The following ABCC6 variants were observed in gnomAD, a reference collection of about 807,000 sequenced individuals.
ABCC6 encodes the protein ATP binding cassette subfamily C member 6, also known as ATP-binding cassette sub-family C member 6.
ABCC6 carries 126 observed loss-of-function variants against 169.5 expected under a neutral mutation model. The ratio of observed to expected loss-of-function variants is 0.74; its 90% CI spans 0.64 to 0.86. The LOEUF is 0.86. Ranked by LOEUF, ABCC6 falls within the 40% of genes least tolerant of loss-of-function variation. The pLI, the probability that ABCC6 is intolerant of heterozygous loss-of-function variation, is 0.00. For missense variants in ABCC6, 1,733 were observed against 1,927.2 expected (o/e 0.90, Z 1.89); for synonymous variants, 752 against 814.7 (o/e 0.92, Z 1.31).
intron 7 of ABCC6, 53 bp downstream of exon 7, chr16:16,208,675 G>T: frequency 6.2e-7 from 1 of 1,612,972 alleles, no homozygotes; most frequent in Non-Finnish European, 8.5e-7. Context: ...CCCGGCCAAT[G>T]ATGAGCTTTT....
intron 20 of ABCC6, 25 bp from the exon 21 acceptor site, chr16:16,173,429 A>C (rs765750395): frequency 6.2e-7 from 1 of 1,613,948 alleles, no homozygotes; most frequent in African/African-American, 1.3e-5. Context: ...AAATGAAGAC[A>C]AAGTCAGTAT....
chr16:16,187,315 G>C, intron 13 of ABCC6, 104 bp from the exon 14 acceptor site: 1 of 925,834 alleles, frequency 1.1e-6, no homozygotes, highest in African/African-American at 1.6e-5. Flanking sequence ...TGTCTACCAA[G>C]CTCTGTGCAT....
chr16:16,181,546 G>T (rs1365854450), intron 17 of ABCC6, among the ~76,000 whole-genome samples: 1 of 152,122 alleles, frequency 6.6e-6, no homozygotes, highest in Non-Finnish European at 1.5e-5. Flanking sequence ...CCTGGGGCCA[G>T]AGTGTGCTGT....
At chr16:16,168,590 G>C (rs1387965834) in intron 22 of ABCC6, among the ~76,000 whole-genome samples, 1 of 152,150 alleles carries the variant, frequency 6.6e-6, no homozygotes, top group Admixed American at 6.6e-5. Flanking sequence ...CCAGGGGTTG[G>C]GGACAGGGTG....
rs1471774770 is a variant in ABCC6, at chr16:16,190,257, G to A, written c.1542C>T (p.Val514=). Residue 514 remains valine (V), a synonymous_variant, in exon 12 of 31, where the codon GTC becomes GTT. Coordinates refer to ENST00000205557, the MANE Select transcript of ABCC6 (RefSeq NM_001171.6). ...HGWEGAFLDR[V]LGIRGQELGA... is the part of the protein sequence containing the mutation. ...CCAGCTCCTGGCCTCGGATGCCCAG[G>A]ACTCTGTCCAGAAAGGCTCCCTCCC... 3.7e-6 allele frequency: 6 copies of A among 1,614,134 alleles called. No homozygotes were observed. The highest frequency in any genetic ancestry group is 4.2e-6 in the Non-Finnish European group (5 of 1,180,032).
In ABCC6 at chr16:16,150,236, A is replaced by G; in HGVS notation, c.4409T>C (p.Leu1470Pro). The change falls in exon 31 of 31, where the codon CTG (leucine) becomes CCG (proline). Residue 1470 changes from leucine to proline, a missense_variant. By Grantham distance (98) the Leu-to-Pro change is moderately conservative. This residue lies in a region of ABCC6 where 1,601 missense variants were observed against 1,635.5 expected (regional missense o/e 0.98). Coordinates refer to ENST00000205557, the MANE Select transcript of ABCC6 (RefSeq NM_001171.6). ...LRSVMDCARV[L>P]VMDKGQVAES... is the part of the protein sequence containing the mutation. The stretch of plus-strand genomic sequence containing the variant: ...TGCCACCTGCCCCTTGTCCATGACC[A>G]GAACCCTGTGGGGGAGAGGGAGACA... 2 of 1,614,008 alleles carry G rather than the reference A, an allele frequency of 1.2e-6. No homozygotes were observed. Among genetic ancestry groups the G allele is most frequent in the Non-Finnish European group, 1.7e-6 (2 of 1,180,006 alleles).
At position 16,184,965 on chromosome 16, in the gene ABCC6, AG is replaced by A; in HGVS notation, c.1936del (p.Leu646SerfsTer4). Reference protein sequence around the residue: ...FAWSQESPPCLHRINLTVPQG... With the variant: ...FAWSQESPPCXHRINLTVPQG... ...TACGGGTGTCGTTCTGTACCTGTGG[AG>A]GCAGGGAGGGCTTTCCTGGGACCAG... On this transcript the variant is annotated frameshift_variant, in exon 15 of 31. Coordinates refer to ENST00000205557, the MANE Select transcript of ABCC6 (RefSeq NM_001171.6). LOFTEE classifies it high-confidence loss of function. 6.2e-7 allele frequency: 1 copy of A among 1,613,050 alleles called. No individual in the cohort carries two copies. The highest frequency in any genetic ancestry group is 8.5e-7 in the Non-Finnish European group (1 of 1,179,028).
chr16:16,163,590 G>GGGAGAACAGTGGGA, intron 23 of ABCC6, among the ~76,000 whole-genome samples: 1 of 152,154 alleles, frequency 6.6e-6, no homozygotes, highest in Admixed American at 6.5e-5. Flanking sequence ...ATTTACGGCT[G>GGGAGAACAGTGGGA]GTCAGTGGGA....
chr16:16,150,581 G>C lies in ABCC6; in HGVS notation c.4400C>G (p.Ala1467Gly). The C allele has an allele frequency of 6.2e-7, 1 of 1,608,492 alleles. No homozygotes were observed. The change falls in exon 30 of 31, where the codon GCC becomes GGC. Residue 1467 changes from alanine (A) to glycine (G), a missense_variant. Physicochemically the swap from Ala to Gly is moderately conservative, Grantham distance 60. Transcript: ENST00000205557. ...CAGGCCGGGGCGGGAGCCTTACCGG[G>C]CACAGTCCATCACGGAGCGCAGGCG... Reference protein sequence around the residue: ...AHRLRSVMDCARVLVMDKGQV... With the variant: ...AHRLRSVMDCGRVLVMDKGQV...
At chr16:16,204,484 G>A (rs1235100377) in intron 7 of ABCC6, among the ~76,000 whole-genome samples, 1 of 152,186 alleles carries the variant, frequency 6.6e-6, no homozygotes, top group Non-Finnish European at 1.5e-5. Context: ...ATGGGCATGG[G>A]GCCTGGTGCT....
rs531716557 is a variant in ABCC6 at position 16,185,118 on chromosome 16, G to T, written c.1868-84C>A. 1.3e-4 allele frequency: 155 copies of T among 1,180,656 alleles called. 3 individuals carry two copies. In the South Asian group the frequency reaches 1.8e-3, roughly 13 times the overall value. The allele number at this position is 1,180,656 out of a possible 1,614,324, so 73.1% of individuals were successfully genotyped here. ...GAGAGGCCCCCAGGCACCATCCCCCGCCCCCCCCAGGGGCAGAGGCTGCAG... is the reference window on the plus strand; with the variant it reads ...GAGAGGCCCCCAGGCACCATCCCCCTCCCCCCCCAGGGGCAGAGGCTGCAG... On this transcript the variant is annotated intron_variant, in intron 14 of 30. Coordinates refer to ENST00000205557, the MANE Select transcript of ABCC6 (RefSeq NM_001171.6).
At chr16:16,208,973 A>C (rs1227285614) in intron 6 of ABCC6, 114 bp from the exon 7 acceptor site, 1 of 1,461,612 alleles carries the variant, frequency 6.8e-7, no homozygotes, top group African/African-American at 1.4e-5. Flanking sequence ...CTGTACCTCT[A>C]CTGGCCCCTG....
At position 16,191,154 on chromosome 16, in the gene ABCC6, C is replaced by T. The variant is rs1335626951; in HGVS notation, c.1432-787G>A. 1.3e-5 allele frequency among the ~76,000 whole-genome samples: 2 copies of T among 152,056 alleles called. 1 individual carries two copies. The highest frequency in any genetic ancestry group is 4.8e-5 in the African/African-American group (2 of 41,390). On this transcript the variant is annotated intron_variant, in intron 11 of 30. Transcript: ENST00000205557. ...TTTTTGAGACCGAGTCTTCCTCTGT[C>T]GCCCAGGCTGGAGTGCAGTGGTGTG...
intron 23 of ABCC6, 61 bp downstream of exon 23, chr16:16,165,562 G>A: frequency 6.4e-7 from 1 of 1,571,676 alleles, no homozygotes; most frequent in Non-Finnish European, 8.7e-7. Context: ...CTTCCCCAGA[G>A]ACAGGGGACT....
intron 10 of ABCC6, among the ~76,000 whole-genome samples, chr16:16,193,486 G>A (rs1326060506): frequency 6.6e-6 from 1 of 152,154 alleles, no homozygotes; most frequent in Non-Finnish European, 1.5e-5. Context: ...GCCGGAGGCG[G>A]GCAGATCACC....
At chr16:16,174,027 G>A (rs2047192557) in intron 20 of ABCC6, among the ~76,000 whole-genome samples, 1 of 152,120 alleles carries the variant, frequency 6.6e-6, no homozygotes, top group African/African-American at 2.4e-5. Flanking sequence ...GTAAAAATAG[G>A]AATATTATCT....
chr16:16,185,465 C>G (rs1051665354), intron 14 of ABCC6, among the ~76,000 whole-genome samples: 1 of 152,166 alleles, frequency 6.6e-6, no homozygotes, highest in Non-Finnish European at 1.5e-5. Flanking sequence ...CAAATCCCAG[C>G]CTTCCCAGAG....
In ABCC6 at chr16:16,154,660, C is replaced by T. The variant is rs534017491; in HGVS notation, c.4176G>A (p.Gln1392=). ...ALVASLPGQL[Q]YKCADRGEDL... Reference sequence around the variant, plus strand: ...CCTCGCCTCGGTCAGCACACTTGTACTGCAGCTGGCCGGGCAGGCTGGCCA... The same window carrying T: ...CCTCGCCTCGGTCAGCACACTTGTATTGCAGCTGGCCGGGCAGGCTGGCCA... Residue 1392 remains glutamine (Q), a synonymous_variant, in exon 29 of 31, where the codon CAG becomes CAA. Coordinates refer to ENST00000205557, the MANE Select transcript of ABCC6 (RefSeq NM_001171.6). 53 of 1,612,928 alleles carry T rather than the reference C, an allele frequency of 3.3e-5. 1 individual carries two copies. The African/African-American group carries it at 5.5e-4, about 17-fold the overall frequency.
At chr16:16,212,954 G>C (rs1367080211) in intron 5 of ABCC6, among the ~76,000 whole-genome samples, 1 of 151,986 alleles carries the variant, frequency 6.6e-6, no homozygotes, top group African/African-American at 2.4e-5. Flanking sequence ...TTACCAATAA[G>C]GCGTGAAGGT....
Sources: gnomAD v4.1 joint callset for allele counts (sites outside exome capture counted in the v4.1 genomes callset) on GRCh38, gnomAD v4.1.1 for gene constraint, gnomAD v4.1.1 regional missense constraint, MANE v1.5 for transcripts, NCBI Gene and HGNC (gene_info 2026-07-23, HGNC 2026-07-21) for gene names.